DDX42: variants seen among roughly 807,000 people sequenced by gnomAD.
The protein encoded by DDX42 is DEAD-box helicase 42, also known as ATP-dependent RNA helicase DDX42.
A neutral mutation model predicts 101.5 loss-of-function variants in DDX42; 22 were observed. The observed-to-expected ratio is 0.22, with a 90% CI of 0.15 to 0.31. The LOEUF (loss-of-function observed/expected upper bound fraction) is 0.31. DDX42 is among the 10% of genes least tolerant of loss of function. DDX42 has a pLI of 1.00. For missense variants in DDX42, 849 were observed against 1,199.9 expected, an observed-to-expected ratio of 0.71 and a Z score of 4.32; for synonymous variants, 402 against 401.2, an observed-to-expected ratio of 1.00 and a Z score of -0.02.
At chr17:63,815,490 C>A in intron 15 of DDX42, 73 bp from the exon 16 acceptor site, 1 of 1,163,754 alleles carries the variant, frequency 8.6e-7, no homozygotes, top group Non-Finnish European at 1.2e-6. Flanking sequence ...ACTTAATTTC[C>A]TCTTTGTCCT....
intron 4 of DDX42, among the ~76,000 whole-genome samples, chr17:63,798,757 C>G (rs2039724613): frequency 6.6e-6 from 1 of 152,152 alleles, no homozygotes; most frequent in African/African-American, 2.4e-5. Context: ...GCTTTTTCTG[C>G]CAGTCATGAT....
intron 1 of DDX42, among the ~76,000 whole-genome samples, 186 bp from the exon 2 acceptor site, chr17:63,786,848 T>C (rs1277563610): frequency 6.6e-6 from 1 of 152,096 alleles, no homozygotes; most frequent in East Asian, 1.9e-4. Context: ...CGGCCAATTT[T>C]TGTATTTTTA....
At chr17:63,774,646 C>G (rs963768243) in intron 1 of DDX42, 1 of 153,018 alleles carries the variant, frequency 6.5e-6, no homozygotes, top group Non-Finnish European at 1.5e-5. Context: ...GAGGCGGCGC[C>G]CCCTCGCCTA....
chr17:63,816,311 A>G (rs2039976470), intron 16 of DDX42, among the ~76,000 whole-genome samples: 1 of 152,154 alleles, frequency 6.6e-6, no homozygotes. Context: ...CCCACATTAT[A>G]ATAATAATGA....
chr17:63,812,731 G>T lies in DDX42; in HGVS notation c.1676-497G>T, dbSNP rs541316374. On this transcript the variant is annotated intron_variant, in intron 14 of 17. Coordinates refer to ENST00000389924, the MANE Select transcript of DDX42 (RefSeq NM_203499.3). ...GGCATGGCAGATTACTGATGCAAAAGATAAAAGTCCCAGTCGGGCACGGTG... is the reference window on the plus strand; with the variant it reads ...GGCATGGCAGATTACTGATGCAAAATATAAAAGTCCCAGTCGGGCACGGTG... Among the ~76,000 whole-genome samples, 7 of 152,202 alleles carry T rather than the reference G, an allele frequency of 4.6e-5. No homozygotes were observed. The East Asian group carries it at 1.2e-3, about 25-fold the overall frequency.
intron 3 of DDX42, among the ~76,000 whole-genome samples, chr17:63,794,380 C>CAA (rs1249979138): frequency 6.6e-6 from 1 of 151,652 alleles, no homozygotes; most frequent in Non-Finnish European, 1.5e-5. Flanking sequence ...CCTGTCTCTA[C>CAA]AAAAAATAAA....
intron 11 of DDX42, 90 bp from the exon 12 acceptor site, chr17:63,810,423 T>C: frequency 7.3e-7 from 1 of 1,378,728 alleles, no homozygotes; most frequent in Non-Finnish European, 1.0e-6. Context: ...TCTTACAACT[T>C]CTTATGAAGA....
rs992192970 is a variant in DDX42, at chr17:63,774,174, C to T, written c.-219C>T. 1 of 278,334 alleles carries T rather than the reference C, an allele frequency of 3.6e-6. No individual in the cohort carries two copies. The highest frequency in any genetic ancestry group is 6.7e-6 in the Non-Finnish European group (1 of 150,264). 17.2% of individuals were successfully genotyped at this position (278,334 alleles called of 1,614,324 possible). ...CACTGCGCATGTCGCGTTTTTGTTC[C>T]CCTCCCCCCTTCAGCAACGGGCCGT... On this transcript the variant is annotated 5_prime_UTR_variant, in exon 1 of 18. Transcript: ENST00000389924.
chr17:63,794,927 CT>C (rs1166198747), intron 3 of DDX42, among the ~76,000 whole-genome samples: 2 of 136,468 alleles, frequency 1.5e-5, no homozygotes, highest in African/African-American at 2.7e-5. Context: ...TAGAGTGAGA[CT>C]CCATCTTAAA....
Position 63,817,742 on chromosome 17 carries a change from G to C in DDX42, c.2161G>C (p.Ala721Pro). Residue 721 changes from alanine (A) to proline (P), a missense_variant, in exon 18 of 18, where the codon GCT becomes CCT. Coordinates refer to ENST00000389924, the MANE Select transcript of DDX42 (RefSeq NM_203499.3). ...FVAASLSNQK[A>P]GSSAAGASGW... ...TGCAGCCAGTTTAAGTAATCAGAAGGCTGGAAGTTCTGCTGCTGGGGCAAG... is the reference window on the plus strand; with the variant it reads ...TGCAGCCAGTTTAAGTAATCAGAAGCCTGGAAGTTCTGCTGCTGGGGCAAG... 6.2e-7 allele frequency: 1 copy of C among 1,614,224 alleles called. No individual in the cohort carries two copies. Among genetic ancestry groups the C allele is most frequent in the Non-Finnish European group, 8.5e-7 (1 of 1,180,042 alleles).
At chr17:63,813,947 C>A (rs2039943844) in intron 15 of DDX42, among the ~76,000 whole-genome samples, 1 of 152,066 alleles carries the variant, frequency 6.6e-6, no homozygotes, top group Non-Finnish European at 1.5e-5. Context: ...TCAAGCAATT[C>A]TCCTGCCTTA....
chr17:63,793,121 T>G (rs2039649166), intron 3 of DDX42, among the ~76,000 whole-genome samples: 1 of 152,198 alleles, frequency 6.6e-6, no homozygotes, highest in South Asian at 2.1e-4. Context: ...TGGAAAAATT[T>G]AAACACATAC....
In DDX42 at chr17:63,792,469, T is replaced by C; in HGVS notation, c.279T>C (p.Ala93=). The C allele has an allele frequency of 6.2e-7, 1 of 1,613,896 alleles. No homozygotes were observed. Residue 93 remains alanine, a synonymous_variant, in exon 3 of 18, where the codon GCT becomes GCC. Transcript: ENST00000389924. ...SSNVDLPYIP[A]ENSPTRQQFH... is the part of the protein sequence containing the mutation. ...ACGTTGATTTACCTTACATTCCTGC[T>C]GAAAACTCACCAACTCGCCAGCAAT...
intron 1 of DDX42, among the ~76,000 whole-genome samples, chr17:63,777,511 G>C (rs1337641360): frequency 1.3e-5 from 2 of 149,962 alleles, no homozygotes; most frequent in Non-Finnish European, 3.0e-5. Flanking sequence ...GCAGTGGCGC[G>C]ATCTTGGCTC....
At chr17:63,779,932 C>G (rs1430225060) in intron 1 of DDX42, among the ~76,000 whole-genome samples, 1 of 152,162 alleles carries the variant, frequency 6.6e-6, no homozygotes. Flanking sequence ...TTTGCTTCTT[C>G]TGTCAGCTAT....
chr17:63,783,522 A>C (rs534020958), intron 1 of DDX42, among the ~76,000 whole-genome samples: 2 of 152,260 alleles, frequency 1.3e-5, no homozygotes, highest in South Asian at 4.1e-4. Flanking sequence ...CAGATGCTGA[A>C]ATTTTCTTGC....
In DDX42 at chr17:63,811,085, T is replaced by C; in HGVS notation, c.1310T>C (p.Phe437Ser). The C allele has an allele frequency of 6.2e-7, 1 of 1,613,924 alleles. No homozygotes were observed. The highest frequency in any genetic ancestry group is 8.5e-7 in the Non-Finnish European group (1 of 1,179,892). Residue 437 changes from phenylalanine to serine, a missense_variant, in exon 13 of 18, where the codon TTT (phenylalanine) becomes TCT (serine). Phe to Ser is a radical substitution (Grantham distance 155). Around this residue, in one of 5 missense-constraint regions of DDX42, gnomAD observed 370 missense variants for 608.8 expected, o/e 0.61. Transcript: ENST00000389924. ...TTATCTTACCTTTTAGCTCTCTTAT[T>C]TAGTGCAACTTTTCGGAAGAAGATT... ...HVRPDRQTLL[F>S]SATFRKKIEK...
In DDX42 at chr17:63,818,099, C is replaced by T; in HGVS notation, c.2518C>T (p.His840Tyr). The T allele has an allele frequency of 6.2e-7, 1 of 1,613,918 alleles. No homozygotes were observed. The highest frequency in any genetic ancestry group is 1.1e-5 in the South Asian group (1 of 91,062). ...TCCACGTCACGGAGATGGTGGTCGC[C>T]ATGGAGATGGATACCGCCATCCAGA... ...DSPRHGDGGRHGDGYRHPESS... is the reference protein window; with the variant it reads ...DSPRHGDGGRYGDGYRHPESS... Residue 840 changes from histidine to tyrosine, a missense_variant, in exon 18 of 18, where the codon CAT (histidine) becomes TAT (tyrosine). By Grantham distance (83) the His-to-Tyr change is moderately conservative. Coordinates refer to ENST00000389924, the MANE Select transcript of DDX42 (RefSeq NM_203499.3).
At chr17:63,812,268 C>T in intron 14 of DDX42, 60 bp downstream of exon 14, 1 of 1,541,482 alleles carries the variant, frequency 6.5e-7, no homozygotes, top group Non-Finnish European at 8.8e-7. Context: ...CTCTGTCTTA[C>T]TACATAAGAC....
Sources: allele counts gnomAD v4.1 joint callset (sites outside exome capture counted in the v4.1 genomes callset), GRCh38; gene constraint gnomAD v4.1.1; regional missense constraint gnomAD v4.1.1; transcripts MANE v1.5; gene names NCBI Gene and HGNC (gene_info 2026-07-23, HGNC 2026-07-21).